The following ADAM29 variants were observed in gnomAD, a reference collection of about 807,000 sequenced individuals.
ADAM29 encodes disintegrin and metalloproteinase domain-containing protein 29.
For synonymous variants in ADAM29, 367 were observed against 342.3 expected (o/e 1.07, Z -0.80); for missense variants, 969 against 1,001.8 (o/e 0.97, Z 0.44).
intron 4 of ADAM29, among the ~76,000 whole-genome samples, chr4:174,963,027 A>T (rs1387021432): frequency 6.6e-6 from 1 of 152,190 alleles, no homozygotes; most frequent in Admixed American, 6.5e-5. Flanking sequence ...TTCCTGATGA[A>T]ATTCAGTATG....
intron 3 of ADAM29, among the ~76,000 whole-genome samples, chr4:174,935,123 C>T (rs1744132588): frequency 6.6e-6 from 1 of 152,072 alleles, no homozygotes; most frequent in Non-Finnish European, 1.5e-5. Context: ...TACCGAAATA[C>T]CCTAGTTTTA....
intron 4 of ADAM29, among the ~76,000 whole-genome samples, chr4:174,969,912 AG>A (rs1314937354): frequency 9.2e-5 from 14 of 152,124 alleles, no homozygotes; most frequent in Non-Finnish European, 2.1e-4. Context: ...ATTTCTTAAA[AG>A]GAAACTCTGG....
At chr4:174,950,309 A>G (rs560203802) in intron 4 of ADAM29, among the ~76,000 whole-genome samples, 2 of 152,280 alleles carry the variant, frequency 1.3e-5, no homozygotes, top group Non-Finnish European at 2.9e-5. Context: ...TGATAAACCC[A>G]TAGGACTTCC....
At chr4:174,952,517 A>G (rs1217652972) in intron 4 of ADAM29, among the ~76,000 whole-genome samples, 2 of 152,226 alleles carry the variant, frequency 1.3e-5, no homozygotes, top group Non-Finnish European at 2.9e-5. Context: ...TATCCAGTTA[A>G]TATATTTTTT....
At chr4:174,949,560 T>G (rs746644576) in intron 4 of ADAM29, among the ~76,000 whole-genome samples, 2 of 152,070 alleles carry the variant, frequency 1.3e-5, no homozygotes, top group African/African-American at 2.4e-5. Flanking sequence ...ATCTACCCTG[T>G]GCAGGGTTCT....
intron 2 of ADAM29, among the ~76,000 whole-genome samples, chr4:174,928,543 TC>T (rs1743654613): frequency 7.9e-6 from 1 of 126,686 alleles, no homozygotes; most frequent in Admixed American, 9.5e-5. Context: ...ACATTACCTA[TC>T]TCTACAAATT....
intron 4 of ADAM29, among the ~76,000 whole-genome samples, chr4:174,959,917 T>G (rs543995842): frequency 6.6e-6 from 1 of 152,114 alleles, no homozygotes; most frequent in African/African-American, 2.4e-5. Context: ...TCTTATGAGA[T>G]TTTATAGAAT....
At chr4:174,941,701 C>A (rs138206263) in intron 4 of ADAM29, among the ~76,000 whole-genome samples, 2 of 152,274 alleles carry the variant, frequency 1.3e-5, no homozygotes, top group East Asian at 3.9e-4. Flanking sequence ...TGGGGGGACA[C>A]AGAGCCAAAC....
chr4:174,965,749 CTCA>C (rs1746122750), intron 4 of ADAM29, among the ~76,000 whole-genome samples: 1 of 152,010 alleles, frequency 6.6e-6, no homozygotes, highest in Non-Finnish European at 1.5e-5. Context: ...ACGTGGTGTC[CTCA>C]TCCTCTTATA....
At position 174,930,971 on chromosome 4, in the gene ADAM29, C is replaced by A. The variant is rs1743828498; in HGVS notation, c.-450-15C>A. 7.4e-6 allele frequency: 1 copy of A among 135,662 alleles called. No homozygotes were observed. The highest frequency in any genetic ancestry group is 8.0e-5 in the Admixed American group (1 of 12,470). 8.4% of individuals were successfully genotyped at this position (135,662 alleles called of 1,614,324 possible). A position where few individuals can be genotyped will look rare whatever the true frequency, so the allele number is the denominator to read the frequency against. Reference sequence around the variant, plus strand: ...ATATTCTTCAGCAGTTCACAGTCTTCATTTCTCATTTCAGGTTAGAGTACA... The same window carrying A: ...ATATTCTTCAGCAGTTCACAGTCTTAATTTCTCATTTCAGGTTAGAGTACA... On this transcript the variant is annotated splice_polypyrimidine_tract_variant and intron_variant, in intron 2 of 4. Transcript: ENST00000359240.
At chr4:174,943,606 C>A (rs992031544) in intron 4 of ADAM29, among the ~76,000 whole-genome samples, 7 of 152,066 alleles carry the variant, frequency 4.6e-5, no homozygotes, top group Non-Finnish European at 1.0e-4. Context: ...GGGAAATCCA[C>A]CCCCATGATC....
chr4:174,961,096 G>T (rs1462588801), intron 4 of ADAM29, among the ~76,000 whole-genome samples: 1 of 152,072 alleles, frequency 6.6e-6, no homozygotes, highest in Non-Finnish European at 1.5e-5. Context: ...TTTATAAAAT[G>T]AGGTGTTTCC....
intron 4 of ADAM29, among the ~76,000 whole-genome samples, chr4:174,956,270 G>C (rs2111039273): frequency 6.6e-6 from 1 of 151,998 alleles, no homozygotes. Flanking sequence ...TACAGTGATT[G>C]TTCCTTCCTC....
At chr4:174,940,667 T>G (rs1228309820) in intron 4 of ADAM29, among the ~76,000 whole-genome samples, 6 of 152,304 alleles carry the variant, frequency 3.9e-5, no homozygotes, top group Middle Eastern at 3.4e-3. Flanking sequence ...CTAGAAGCAC[T>G]TAATAGACAT....
At chr4:174,944,419 T>C (rs1744719160) in intron 4 of ADAM29, among the ~76,000 whole-genome samples, 1 of 152,348 alleles carries the variant, frequency 6.6e-6, no homozygotes, top group Non-Finnish European at 1.5e-5. Flanking sequence ...TTCATTTCTT[T>C]CCATGCATGG....
intron 4 of ADAM29, among the ~76,000 whole-genome samples, chr4:174,955,988 T>C (rs1745475841): frequency 6.6e-6 from 1 of 152,052 alleles, no homozygotes; most frequent in Admixed American, 6.6e-5. Context: ...TTAGAAACAT[T>C]ATGTTCTTTC....
intron 2 of ADAM29, 69 bp downstream of exon 2, chr4:174,920,861 T>A (rs1252717661): frequency 1.3e-5 from 2 of 152,136 alleles, no homozygotes; most frequent in East Asian, 1.9e-4. Context: ...GTTAGCAGAT[T>A]AAAAGTATTT....
chr4:174,940,812 TA>T (rs1390053986), intron 4 of ADAM29, among the ~76,000 whole-genome samples: 9 of 151,946 alleles, frequency 5.9e-5, no homozygotes, highest in African/African-American at 2.2e-4. Context: ...TAAAGCCAAA[TA>T]AAAAAAGACA....
chr4:174,930,068 A>AC (rs1455766488), intron 2 of ADAM29, among the ~76,000 whole-genome samples: 1 of 152,108 alleles, frequency 6.6e-6, no homozygotes, highest in East Asian at 1.9e-4. Context: ...AGCTGGGACT[A>AC]CAGGCGCCTG....
Sources: gnomAD v4.1 joint callset for allele counts (sites outside exome capture counted in the v4.1 genomes callset) on GRCh38, gnomAD v4.1.1 for gene constraint, MANE v1.5 for transcripts, NCBI Gene and HGNC (gene_info 2026-07-23, HGNC 2026-07-21) for gene names.